The following ERBB4 variants were observed in gnomAD, a reference collection of about 807,000 sequenced individuals.
ERBB4 encodes erb-b2 receptor tyrosine kinase 4.
A neutral mutation model predicts 158.0 loss-of-function variants in ERBB4; 42 were observed. The observed-to-expected ratio is 0.27, with a 90% CI of 0.21 to 0.34. ERBB4 has a LOEUF of 0.34. Ranked by LOEUF, ERBB4 falls within the 10% of genes least tolerant of loss-of-function variation. ERBB4 has a pLI of 1.00. For synonymous variants in ERBB4, 583 were observed against 558.7 expected, an observed-to-expected ratio of 1.04 and a Z score of -0.61; for missense variants, 1,333 against 1,624.1, an observed-to-expected ratio of 0.82 and a Z score of 3.08.
At chr2:212,531,279 G>C (rs1239242752) in intron 1 of ERBB4, among the ~76,000 whole-genome samples, 1 of 152,102 alleles carries the variant, frequency 6.6e-6, no homozygotes, top group Non-Finnish European at 1.5e-5. Flanking sequence ...GCACATGAGG[G>C]AACTCAGCTA....
At chr2:212,361,464 A>T (rs188420105) in intron 1 of ERBB4, among the ~76,000 whole-genome samples, 2 of 151,642 alleles carry the variant, frequency 1.3e-5, no homozygotes, top group African/African-American at 4.8e-5. Context: ...AAATAACATC[A>T]TAACTGCAAT....
At chr2:212,299,437 C>T (rs1459634787) in intron 1 of ERBB4, among the ~76,000 whole-genome samples, 28 of 151,540 alleles carry the variant, frequency 1.8e-4, no homozygotes. Flanking sequence ...ATGTAAAGTA[C>T]TCATTGTTTT....
At chr2:211,683,742 G>GTT (rs34673905) in intron 12 of ERBB4, among the ~76,000 whole-genome samples, 2,258 of 144,812 alleles carry the variant, frequency 0.016, 66 homozygotes, top group African/African-American at 0.05. Context: ...TTTAGTCAGG[G>GTT]TTTTTTTTTT....
chr2:212,234,495 C>T (rs994486236), intron 1 of ERBB4, among the ~76,000 whole-genome samples: 4 of 152,114 alleles, frequency 2.6e-5, no homozygotes, highest in African/African-American at 7.2e-5. Context: ...TGGGTATATG[C>T]CCAGTAATGG....
At chr2:212,040,268 A>C (rs964755628) in intron 2 of ERBB4, among the ~76,000 whole-genome samples, 2 of 151,942 alleles carry the variant, frequency 1.3e-5, no homozygotes, top group Admixed American at 6.6e-5. Flanking sequence ...ATTTTTTCTG[A>C]TGGAAAGTAA....
At chr2:211,899,879 T>C (rs2079188771) in intron 3 of ERBB4, among the ~76,000 whole-genome samples, 1 of 152,174 alleles carries the variant, frequency 6.6e-6, no homozygotes, top group Non-Finnish European at 1.5e-5. Context: ...GCTAATAAAA[T>C]GCTATATTAT....
At chr2:212,528,664 C>T (rs1692580550) in intron 1 of ERBB4, among the ~76,000 whole-genome samples, 1 of 152,066 alleles carries the variant, frequency 6.6e-6, no homozygotes, top group South Asian at 2.1e-4. Context: ...ACCCTAGTGG[C>T]CTAGAAATGT....
At chr2:212,519,893 T>A (rs1340600380) in intron 1 of ERBB4, among the ~76,000 whole-genome samples, 2 of 151,912 alleles carry the variant, frequency 1.3e-5, no homozygotes, top group Admixed American at 1.3e-4. Flanking sequence ...TTGTATATTT[T>A]CAAAAAGTTA....
chr2:212,122,387 G>A (rs2079784546), intron 2 of ERBB4, among the ~76,000 whole-genome samples: 1 of 150,984 alleles, frequency 6.6e-6, no homozygotes, highest in African/African-American at 2.4e-5. Flanking sequence ...AAAGATATGT[G>A]GAACAAAAAA....
chr2:211,783,138 A>G (rs1450654337), intron 4 of ERBB4, among the ~76,000 whole-genome samples: 1 of 152,170 alleles, frequency 6.6e-6, no homozygotes, highest in Non-Finnish European at 1.5e-5. Context: ...GCAATTGTGA[A>G]TGGGAGTTCA....
chr2:211,470,576 C>T (rs1383579811), intron 20 of ERBB4, among the ~76,000 whole-genome samples: 1 of 152,094 alleles, frequency 6.6e-6, no homozygotes, highest in East Asian at 1.9e-4. Context: ...TTTGATACCT[C>T]AGTTTTCTAA....
At chr2:211,581,012 A>G (rs2125771321) in intron 19 of ERBB4, among the ~76,000 whole-genome samples, 1 of 150,684 alleles carries the variant, frequency 6.6e-6, no homozygotes, top group African/African-American at 2.4e-5. Flanking sequence ...GAGGTAACTC[A>G]GGAATAGAAA....
At chr2:212,421,455 T>C (rs567654152) in intron 1 of ERBB4, among the ~76,000 whole-genome samples, 1 of 152,286 alleles carries the variant, frequency 6.6e-6, no homozygotes, top group East Asian at 1.9e-4. Context: ...ACTTTTCTTA[T>C]GTCATCTAGT....
intron 20 of ERBB4, among the ~76,000 whole-genome samples, chr2:211,545,101 G>A (rs1366321538): frequency 1.3e-5 from 2 of 152,008 alleles, no homozygotes; most frequent in Admixed American, 1.3e-4. Flanking sequence ...GTCTATAGTA[G>A]AAACTGAGTC....
chr2:211,889,764 A>C (rs1164417684), intron 3 of ERBB4, among the ~76,000 whole-genome samples: 1 of 151,794 alleles, frequency 6.6e-6, no homozygotes, highest in Non-Finnish European at 1.5e-5. Flanking sequence ...AGAATGCAGA[A>C]GCCTCAGGAG....
At chr2:211,740,921 T>C (rs1180505650) in intron 5 of ERBB4, among the ~76,000 whole-genome samples, 1 of 152,220 alleles carries the variant, frequency 6.6e-6, no homozygotes, top group African/African-American at 2.4e-5. Flanking sequence ...ACTTAATTAT[T>C]TCTTTAACCA....
At chr2:212,305,993 A>T (rs149715095) in intron 1 of ERBB4, among the ~76,000 whole-genome samples, 1,676 of 151,568 alleles carry the variant, frequency 0.011, 7 homozygotes, top group Non-Finnish European at 0.015. Context: ...TCTGCTAAAC[A>T]TGTGAAATAT....
chr2:211,407,806 C>T (rs777335625), intron 25 of ERBB4, among the ~76,000 whole-genome samples: 3 of 152,010 alleles, frequency 2.0e-5, no homozygotes, highest in South Asian at 2.1e-4. Flanking sequence ...GGCAGGTGAG[C>T]GAGGAAAGGG....
At chr2:211,848,988 T>C (rs992253075) in intron 3 of ERBB4, among the ~76,000 whole-genome samples, 1 of 152,086 alleles carries the variant, frequency 6.6e-6, no homozygotes, top group African/African-American at 2.4e-5. Context: ...TCTCAGCAGG[T>C]AATGGTTCAA....
Sources: allele counts gnomAD v4.1 joint callset (sites outside exome capture counted in the v4.1 genomes callset), GRCh38; gene constraint gnomAD v4.1.1; transcripts MANE v1.5; gene names NCBI Gene and HGNC (gene_info 2026-07-23, HGNC 2026-07-21).